The following R3HDM1 variants were observed in gnomAD, a reference collection of about 807,000 sequenced individuals.
R3HDM1 encodes the protein R3H domain containing 1.
R3HDM1 carries 46 observed loss-of-function variants against 141.1 expected under a neutral mutation model. That is an observed-to-expected ratio of 0.33 (90% CI 0.26 to 0.42). The LOEUF (loss-of-function observed/expected upper bound fraction) is 0.42. Among genes scored for constraint, R3HDM1 ranks in the 10% least tolerant of loss-of-function variants. R3HDM1 has a pLI of 1.00. For synonymous variants in R3HDM1, 435 were observed against 472.9 expected (o/e 0.92, Z 1.04); for missense variants, 1,184 against 1,368.3 (o/e 0.87, Z 2.12).
In R3HDM1 at chr2:135,724,090, G is replaced by A. The variant is rs1222910870; in HGVS notation, c.3203G>A (p.Gly1068Asp). 1 of 1,614,130 alleles carries A rather than the reference G, an allele frequency of 6.2e-7. No homozygotes were observed. The highest frequency in any genetic ancestry group is 1.1e-5 in the South Asian group (1 of 91,078). Reference sequence around the variant, plus strand: ...CCACGTCGTCACCCCCTCTGCTGTGGCAGTGGGGACAACACTGCCAACCCT... The same window carrying A: ...CCACGTCGTCACCCCCTCTGCTGTGACAGTGGGGACAACACTGCCAACCCT... ...SQPRRHPLCC[G>D]SGDNTANPER... The change falls in exon 27 of 27, where the codon GGC (glycine) becomes GAC (aspartate). Residue 1068 changes from glycine (G) to aspartate (D), a missense_variant. By Grantham distance (94) the Gly-to-Asp change is moderately conservative (BLOSUM62 -1). Around this residue, in one of 5 missense-constraint regions of R3HDM1, gnomAD observed 182 missense variants for 252.6 expected, o/e 0.72. Transcript: ENST00000683871.
At chr2:135,617,014 A>T (rs193083150) in intron 5 of R3HDM1, among the ~76,000 whole-genome samples, 3 of 152,314 alleles carry the variant, frequency 2.0e-5, no homozygotes, top group Admixed American at 2.0e-4. Context: ...AAAGTTATAA[A>T]TTAATTTTTA....
intron 1 of R3HDM1, among the ~76,000 whole-genome samples, chr2:135,541,192 T>C (rs1697399366): frequency 6.6e-6 from 1 of 152,058 alleles, no homozygotes; most frequent in Admixed American, 6.6e-5. Context: ...TAAAGTTAAG[T>C]ATCTGCATTA....
In R3HDM1 at chr2:135,675,335, A is replaced by G; in HGVS notation, c.2156A>G (p.Tyr719Cys). ...PLPQPAQQTG[Y>C]QVIPNQQQNY... ...TTAACTCATTGTACCATTACAGGTTATCAAGTTATACCCAACCAGCAGCAA... is the reference window on the plus strand; with the variant it reads ...TTAACTCATTGTACCATTACAGGTTGTCAAGTTATACCCAACCAGCAGCAA... Residue 719 changes from tyrosine (Y) to cysteine (C), a missense_variant, in exon 20 of 27, where the codon TAT becomes TGT. Transcript: ENST00000683871. The G allele has an allele frequency of 6.2e-7, 1 of 1,613,552 alleles. No homozygotes were observed. The highest frequency in any genetic ancestry group is 1.7e-4 in the Middle Eastern group (1 of 6,054).
chr2:135,627,665 C>CCTGAA (rs1484513112), intron 7 of R3HDM1, among the ~76,000 whole-genome samples: 4 of 151,752 alleles, frequency 2.6e-5, no homozygotes, highest in African/African-American at 9.7e-5. Flanking sequence ...CATGGATTAA[C>CCTGAA]CTGAAGGTGG....
At chr2:135,631,053 A>G (rs192425781) in intron 7 of R3HDM1, among the ~76,000 whole-genome samples, 11 of 152,320 alleles carry the variant, frequency 7.2e-5, no homozygotes, top group East Asian at 5.8e-4. Flanking sequence ...TTAAAAATAT[A>G]TAATGGCAGT....
chr2:135,720,105 A>C (rs2076561412), intron 24 of R3HDM1, among the ~76,000 whole-genome samples: 1 of 152,174 alleles, frequency 6.6e-6, no homozygotes, highest in South Asian at 2.1e-4. Context: ...GGCCTCCCAA[A>C]GTGCTGGAAT....
At position 135,680,414 on chromosome 2, in the gene R3HDM1, A is replaced by G. The variant is rs2070060286; in HGVS notation, c.2459+90A>G. 6.6e-6 allele frequency: 9 copies of G among 1,368,572 alleles called. No individual in the cohort carries two copies. The South Asian group carries it at 1.1e-4, about 17-fold the overall frequency. The allele number at this position is 1,368,572 out of a possible 1,614,324, so 84.8% of individuals were successfully genotyped here. ...CTAGTTTTAAAGTTGACTAAGGGGCATTACTTGAGAACATTCTCTAATGTA... is the reference window on the plus strand; with the variant it reads ...CTAGTTTTAAAGTTGACTAAGGGGCGTTACTTGAGAACATTCTCTAATGTA... On this transcript the variant is annotated intron_variant, in intron 21 of 26. Coordinates refer to ENST00000683871, the MANE Select transcript of R3HDM1 (RefSeq NM_001378107.1).
intron 7 of R3HDM1, among the ~76,000 whole-genome samples, chr2:135,629,173 C>T (rs1343535707): frequency 6.6e-6 from 1 of 151,740 alleles, no homozygotes; most frequent in African/African-American, 2.4e-5. Context: ...AAAAATTTGC[C>T]GGGTGTGGTG....
chr2:135,531,575 GC>G lies in R3HDM1; in HGVS notation c.-304del. 1.0e-6 allele frequency: 1 copy of G among 986,660 alleles called. No individual in the cohort carries two copies. The highest frequency in any genetic ancestry group is 1.2e-6 in the Non-Finnish European group (1 of 830,598). The allele number at this position is 986,660 out of a possible 1,614,324, so 61.1% of individuals were successfully genotyped here. A position where few individuals can be genotyped will look rare whatever the true frequency, so the allele number is the denominator to read the frequency against. The stretch of plus-strand genomic sequence containing the variant: ...TAAGACTCTTACTTGCACCCACCCA[GC>G]CCCGCCGTCGCCCCGCCGCGCCGCG... On this transcript the variant is annotated 5_prime_UTR_variant, in exon 1 of 27. The change abolishes the stop of an existing upstream ORF in the 5' untranslated region. Coordinates refer to ENST00000683871, the MANE Select transcript of R3HDM1 (RefSeq NM_001378107.1).
At chr2:135,630,533 T>C (rs2062605871) in intron 7 of R3HDM1, among the ~76,000 whole-genome samples, 1 of 152,128 alleles carries the variant, frequency 6.6e-6, no homozygotes, top group Non-Finnish European at 1.5e-5. Flanking sequence ...AAATGTAAGT[T>C]AAATATTTAA....
intron 21 of R3HDM1, among the ~76,000 whole-genome samples, chr2:135,693,148 A>G (rs1391020662): frequency 6.6e-6 from 1 of 152,260 alleles, no homozygotes; most frequent in South Asian, 2.1e-4. Context: ...AATTCAAAAT[A>G]TAATAATGAG....
At chr2:135,579,595 C>CGGGGGGTGGGGGGGGGGGGGG (rs1706289163) in intron 1 of R3HDM1, among the ~76,000 whole-genome samples, 2 of 86,856 alleles carry the variant, frequency 2.3e-5, no homozygotes, top group African/African-American at 1.2e-4. Context: ...TATGGGGTGG[C>CGGGGGGTGGGGGGGGGGGGGG]GGGGGGGGGT....
intron 1 of R3HDM1, among the ~76,000 whole-genome samples, chr2:135,573,628 G>A (rs1704667639): frequency 6.6e-6 from 1 of 151,904 alleles, no homozygotes; most frequent in South Asian, 2.1e-4. Context: ...TCTTCAAAGT[G>A]CGTAGCTTAT....
At chr2:135,649,033 T>G (rs2064809068) in intron 16 of R3HDM1, 2 of 151,932 alleles carry the variant, frequency 1.3e-5, no homozygotes, top group Admixed American at 1.3e-4. Flanking sequence ...TAGGCTATTA[T>G]TCTTAATAGT....
chr2:135,709,311 G>A lies in R3HDM1; in HGVS notation c.2460-122G>A, dbSNP rs376794631. The A allele has an allele frequency of 1.2e-4, 153 of 1,325,008 alleles. 1 individual carries two copies. In the South Asian group the frequency reaches 2.0e-3, roughly 17 times the overall value. 82.1% of individuals were successfully genotyped at this position (1,325,008 alleles called of 1,614,324 possible). ...GATGTTCTCGATCTCCTGACCTCGT[G>A]ATCCGCCCGCCTTGGCCTCCCAAAG... is the stretch of plus-strand genomic sequence containing the variant. On this transcript the variant is annotated intron_variant, in intron 21 of 26. Transcript: ENST00000683871.
At chr2:135,586,733 A>C (rs981195553) in intron 1 of R3HDM1, 2 of 985,146 alleles carry the variant, frequency 2.0e-6, no homozygotes, top group African/African-American at 3.5e-5. Flanking sequence ...TGTAGCACCA[A>C]TTTCTTCTCC....
At chr2:135,538,493 A>T (rs1402841737) in intron 1 of R3HDM1, among the ~76,000 whole-genome samples, 2 of 152,252 alleles carry the variant, frequency 1.3e-5, no homozygotes, top group African/African-American at 2.4e-5. Flanking sequence ...ATTTTAAAAA[A>T]TTTTTAAAGT....
chr2:135,628,775 G>A (rs1004966603), intron 7 of R3HDM1, among the ~76,000 whole-genome samples: 2 of 151,958 alleles, frequency 1.3e-5, no homozygotes, highest in Non-Finnish European at 2.9e-5. Context: ...ACAGGCATGC[G>A]CCACCACGCC....
At position 135,562,875 on chromosome 2, in the gene R3HDM1, A is replaced by G. The variant is rs754210772; in HGVS notation, c.-250+31242A>G. On this transcript the variant is annotated intron_variant, in intron 1 of 26. Coordinates refer to ENST00000683871, the MANE Select transcript of R3HDM1 (RefSeq NM_001378107.1). ...AACTGTTCCTTTTATTTCATTTCTT[A>G]TGAAAATAAATGGACCATTTTATCC... Among the ~76,000 whole-genome samples, 11 of 152,264 alleles carry G rather than the reference A, an allele frequency of 7.2e-5. No homozygotes were observed. In the South Asian group the frequency reaches 1.0e-3, roughly 14 times the overall value.
Sources: allele counts gnomAD v4.1 joint callset (sites outside exome capture counted in the v4.1 genomes callset), GRCh38; gene constraint gnomAD v4.1.1; regional missense constraint gnomAD v4.1.1; transcripts MANE v1.5; gene names NCBI Gene and HGNC (gene_info 2026-07-23, HGNC 2026-07-21).